Variants in OSBPL3 observed in about 807,000 individuals in gnomAD.
The protein encoded by OSBPL3 is oxysterol binding protein like 3.
In OSBPL3, 65 loss-of-function variants were observed where a neutral mutation model predicts 120.1. That is an observed-to-expected ratio of 0.54 (90% CI 0.44 to 0.67). The LOEUF (loss-of-function observed/expected upper bound fraction) is 0.67, where lower values mean the gene tolerates loss of function less well. OSBPL3 is among the 30% of genes least tolerant of loss of function. OSBPL3 has a pLI of 0.00. For missense variants in OSBPL3, 1,004 were observed against 1,082.1 expected, an observed-to-expected ratio of 0.93 and a Z score of 1.01; for synonymous variants, 416 against 402.6, an observed-to-expected ratio of 1.03 and a Z score of -0.40.
Position 24,918,944 on chromosome 7 carries a change from T to C in OSBPL3, c.-149-26323A>G, listed in dbSNP as rs1810050575. Reference sequence around the variant, plus strand: ...TCCCAGGTACAATGCTAGATGCTCTTACATACGTCACATTATTTAATTCCC... The same window carrying C: ...TCCCAGGTACAATGCTAGATGCTCTCACATACGTCACATTATTTAATTCCC... On this transcript the variant is annotated intron_variant, in intron 1 of 22. Transcript: ENST00000313367. The surrounding 1 kb of genome is among the most constrained non-coding windows in gnomAD (Gnocchi z 4.3). 6.6e-6 allele frequency among the ~76,000 whole-genome samples: 1 copy of C among 152,220 alleles called. No individual in the cohort carries two copies. The highest frequency in any genetic ancestry group is 1.5e-5 in the Non-Finnish European group (1 of 68,030).
At chr7:24,951,651 G>T (rs1188856180) in intron 1 of OSBPL3, among the ~76,000 whole-genome samples, 1 of 152,124 alleles carries the variant, frequency 6.6e-6, no homozygotes, top group Non-Finnish European at 1.5e-5. Context: ...CAATTTAATG[G>T]TAAAGACGTA....
In OSBPL3 at chr7:24,863,540, C is replaced by A; in HGVS notation, c.733G>T (p.Val245Phe). 1.9e-6 allele frequency: 3 copies of A among 1,614,078 alleles called. No individual in the cohort carries two copies. Among genetic ancestry groups the A allele is most frequent in the Non-Finnish European group, 2.5e-6 (3 of 1,179,970 alleles). ...GGTGCCGAGTATGTCCGATGCAGGACGTCCATGCTTTGCAGGAGCTGGCTC... is the reference window on the plus strand; with the variant it reads ...GGTGCCGAGTATGTCCGATGCAGGAAGTCCATGCTTTGCAGGAGCTGGCTC... The part of the protein sequence containing the change: ...EMSQLLQSMD[V>F]LHRTYSAPAI... Residue 245 changes from valine to phenylalanine, a missense_variant, in exon 8 of 23, where the codon GTC becomes TTC. By Grantham distance (50) the Val-to-Phe change is conservative. Around this residue, in one of 4 missense-constraint regions of OSBPL3, gnomAD observed 272 missense variants for 248.8 expected, o/e 1.09. Transcript: ENST00000313367. This position sits in a 1 kb window ranked among gnomAD's most constrained non-coding sequence, Gnocchi z 5.8.
rs943356853 is a variant in OSBPL3 at position 24,892,531 on chromosome 7, G to A, written c.-59C>T. 74 of 1,583,534 alleles carry A rather than the reference G, an allele frequency of 4.7e-5. No individual in the cohort carries two copies. In the East Asian group the frequency reaches 5.0e-4, roughly 11 times the overall value. ...AATGCCATCAGATGACAAGGGAGCCGAGAGTATGGAAGTCCCCAGTGGCAG... is the reference window on the plus strand; with the variant it reads ...AATGCCATCAGATGACAAGGGAGCCAAGAGTATGGAAGTCCCCAGTGGCAG... On this transcript the variant is annotated 5_prime_UTR_variant, in exon 2 of 23. Transcript: ENST00000313367.
At chr7:24,934,804 C>A (rs117122119) in intron 1 of OSBPL3, among the ~76,000 whole-genome samples, 1 of 152,150 alleles carries the variant, frequency 6.6e-6, no homozygotes, top group African/African-American at 2.4e-5. Context: ...GCTTGGGATT[C>A]AACATCCTTG....
Position 24,815,329 on chromosome 7 carries a change from C to A in OSBPL3, c.2028-126G>T. 1.4e-6 allele frequency: 1 copy of A among 735,528 alleles called. No individual in the cohort carries two copies. The highest frequency in any genetic ancestry group is 2.6e-5 in the East Asian group (1 of 37,840). 45.6% of individuals were successfully genotyped at this position (735,528 alleles called of 1,614,324 possible). On this transcript the variant is annotated intron_variant, in intron 18 of 22. Coordinates refer to ENST00000313367, the MANE Select transcript of OSBPL3 (RefSeq NM_015550.4). The surrounding 1 kb of genome is among the most constrained non-coding windows in gnomAD (Gnocchi z 5.1). Reference sequence around the variant, plus strand: ...TTCATCTCTTTATTCACAGAAGCAACACTGGCTAAGTGTCTATGTCACACT... The same window carrying A: ...TTCATCTCTTTATTCACAGAAGCAAAACTGGCTAAGTGTCTATGTCACACT...
At chr7:24,836,855 G>A (rs1797060921) in intron 14 of OSBPL3, among the ~76,000 whole-genome samples, 15 of 151,962 alleles carry the variant, frequency 9.9e-5, no homozygotes, top group African/African-American at 3.6e-4. Flanking sequence ...TTTTTTTTGA[G>A]ACAGAGTCTT....
chr7:24,801,643 C>T (rs796674359), intron 22 of OSBPL3, among the ~76,000 whole-genome samples: 1 of 152,188 alleles, frequency 6.6e-6, no homozygotes, highest in Non-Finnish European at 1.5e-5. Flanking sequence ...CAGCCTTCTG[C>T]GTATCTCTGA....
chr7:24,908,060 T>C (rs531023854), intron 1 of OSBPL3, among the ~76,000 whole-genome samples: 16 of 152,308 alleles, frequency 1.1e-4, no homozygotes, highest in African/African-American at 3.9e-4. Context: ...GAGATCTCCT[T>C]GCCATTTTAA....
rs1480528469 is a variant in OSBPL3 at position 24,912,739 on chromosome 7, A to G, written c.-149-20118T>C. Among the ~76,000 whole-genome samples, 1 of 152,212 alleles carries G rather than the reference A, an allele frequency of 6.6e-6. No individual in the cohort carries two copies. Among genetic ancestry groups the G allele is most frequent in the African/African-American group, 2.4e-5 (1 of 41,460 alleles). On this transcript the variant is annotated intron_variant, in intron 1 of 22. Transcript: ENST00000313367. This position sits in a 1 kb window ranked among gnomAD's most constrained non-coding sequence, Gnocchi z 4.5. ...GTATTTTTCAAAGACGACCATACCA[A>G]TGTACATCCCATCCCACATGCTCCT...
intron 1 of OSBPL3, among the ~76,000 whole-genome samples, chr7:24,902,153 G>A (rs1386443425): frequency 6.6e-6 from 1 of 152,222 alleles, no homozygotes; most frequent in African/African-American, 2.4e-5. Flanking sequence ...ATGCATATAA[G>A]ACCATTTAGA....
In OSBPL3 at chr7:24,871,980, C is replaced by A; in HGVS notation, c.186G>T (p.Arg62Ser). Residue 62 changes from arginine to serine, a missense_variant, in exon 3 of 23, where the codon AGG becomes AGT. Physicochemically the swap from Arg to Ser is moderately radical, Grantham distance 110. This residue lies in a region of OSBPL3 where 255 missense variants were observed against 248.7 expected (regional missense o/e 1.03). Coordinates refer to ENST00000313367, the MANE Select transcript of OSBPL3 (RefSeq NM_015550.4). The surrounding 1 kb of genome is among the most constrained non-coding windows in gnomAD (Gnocchi z 4.8). ...TATGCCAGCCTTTTAAGGGCCACTT[C>A]CTCTTTTTCAGCAAAAATCCTTTCT... ...PVQKGFLLKK[R>S]KWPLKGWHKR... 1 of 1,613,648 alleles carries A rather than the reference C, an allele frequency of 6.2e-7. No homozygotes were observed. The highest frequency in any genetic ancestry group is 8.5e-7 in the Non-Finnish European group (1 of 1,179,762).
intron 1 of OSBPL3, among the ~76,000 whole-genome samples, chr7:24,895,089 C>T (rs1379538190): frequency 2.6e-5 from 4 of 152,182 alleles, no homozygotes; most frequent in African/African-American, 4.8e-5. Flanking sequence ...ATATCTATTT[C>T]ATCCCCTAGA....
At chr7:24,857,288 GCTTCC>G (rs2128239086) in intron 10 of OSBPL3, among the ~76,000 whole-genome samples, 1 of 152,294 alleles carries the variant, frequency 6.6e-6, no homozygotes, top group East Asian at 1.9e-4. Flanking sequence ...AACATCATTT[GCTTCC>G]CTTCCAAGTC....
chr7:24,971,750 T>C (rs903059772), intron 1 of OSBPL3, among the ~76,000 whole-genome samples: 21 of 141,000 alleles, frequency 1.5e-4, no homozygotes, highest in South Asian at 4.3e-4. Flanking sequence ...AGTGATAAGA[T>C]CTAACGAGGT....
Position 24,979,968 on chromosome 7 carries a change from C to A in OSBPL3, c.-232G>T, listed in dbSNP as rs914590092. ...AGCGCACAGAACCGGGAGAAGGCAA[C>A]CCCGGCTTCTCCGGTACCCCCGCAA... is the stretch of plus-strand genomic sequence containing the variant. On this transcript the variant is annotated 5_prime_UTR_variant, in exon 1 of 23. Transcript: ENST00000313367. The A allele has an allele frequency of 2.0e-6, 2 of 985,324 alleles. No homozygotes were observed. The highest frequency in any genetic ancestry group is 3.5e-5 in the African/African-American group (2 of 57,214). The allele number at this position is 985,324 out of a possible 1,614,324, so 61.0% of individuals were successfully genotyped here.
Position 24,891,240 on chromosome 7 carries a change from A to ATTAAATTGT in OSBPL3, c.96+1136_96+1137insACAATTTAA, listed in dbSNP as rs1805306581. ...TTTTTTTTTTTTAATTCCAGAAGGAACCGATGACAGTGCTGACAAAATTCT... is the reference window on the plus strand; with the variant it reads ...TTTTTTTTTTTTAATTCCAGAAGGAATTAAATTGTCCGATGACAGTGCTGACAAAATTCT... On this transcript the variant is annotated intron_variant, in intron 2 of 22. Transcript: ENST00000313367. The surrounding 1 kb of genome is among the most constrained non-coding windows in gnomAD (Gnocchi z 4.1). Among the ~76,000 whole-genome samples, 1 of 151,812 alleles carries ATTAAATTGT rather than the reference A, an allele frequency of 6.6e-6. No individual in the cohort carries two copies. The highest frequency in any genetic ancestry group is 2.4e-5 in the African/African-American group (1 of 41,266).
chr7:24,830,155 G>C lies in OSBPL3; in HGVS notation c.1884+613C>G, dbSNP rs1236117557. Among the ~76,000 whole-genome samples the C allele has an allele frequency of 6.6e-6, 1 of 152,202 alleles. No individual in the cohort carries two copies. The highest frequency in any genetic ancestry group is 2.4e-5 in the African/African-American group (1 of 41,456). Reference sequence around the variant, plus strand: ...TTACTCTATGCTACTTCTATGGCAAGAGTGTGATGGAACCTTAGGCTGCAT... The same window carrying C: ...TTACTCTATGCTACTTCTATGGCAACAGTGTGATGGAACCTTAGGCTGCAT... On this transcript the variant is annotated intron_variant, in intron 16 of 22. Transcript: ENST00000313367. This position sits in a 1 kb window ranked among gnomAD's most constrained non-coding sequence, Gnocchi z 4.4.
At position 24,873,004 on chromosome 7, in the gene OSBPL3, T is replaced by C. The variant is rs1189209101; in HGVS notation, c.97-935A>G. ...ATGAAATGCATGAATCTTAAGAGTA[T>C]GCCTTGATAAAAATGATAAATTTTT... On this transcript the variant is annotated intron_variant, in intron 2 of 22. Transcript: ENST00000313367. The surrounding 1 kb of genome is among the most constrained non-coding windows in gnomAD (Gnocchi z 4.1). Among the ~76,000 whole-genome samples, 3 of 152,210 alleles carry C rather than the reference T, an allele frequency of 2.0e-5. No individual in the cohort carries two copies. Among genetic ancestry groups the C allele is most frequent in the African/African-American group, 7.2e-5 (3 of 41,450 alleles).
In OSBPL3 at chr7:24,854,515, C is replaced by A. The variant is rs1799580509; in HGVS notation, c.1028-1881G>T. Among the ~76,000 whole-genome samples, 1 of 146,930 alleles carries A rather than the reference C, an allele frequency of 6.8e-6. No individual in the cohort carries two copies. The highest frequency in any genetic ancestry group is 6.8e-5 in the Admixed American group (1 of 14,796). On this transcript the variant is annotated intron_variant, in intron 10 of 22. Transcript: ENST00000313367. This position sits in a 1 kb window ranked among gnomAD's most constrained non-coding sequence, Gnocchi z 4.1. Reference sequence around the variant, plus strand: ...ACACACACACACGCACACACACACACACACACACACACACACACACACAAA... The same window carrying A: ...ACACACACACACGCACACACACACAAACACACACACACACACACACACAAA...
Sources: gnomAD v4.1 joint callset for allele counts (sites outside exome capture counted in the v4.1 genomes callset) on GRCh38, gnomAD v4.1.1 for gene constraint, gnomAD v4.1.1 regional missense constraint, Gnocchi (gnomAD v3.1) non-coding constraint, MANE v1.5 for transcripts, NCBI Gene and HGNC (gene_info 2026-07-23, HGNC 2026-07-21) for gene names.